PWWP2A: variants seen among roughly 807,000 people sequenced by gnomAD.
PWWP2A encodes the protein PWWP domain containing 2A.
Under a neutral mutation model 48.5 loss-of-function variants are expected in PWWP2A, and 18 were observed. That is an observed-to-expected ratio of 0.37 (90% CI 0.26 to 0.55). The LOEUF (loss-of-function observed/expected upper bound fraction) is 0.55. Among genes scored for constraint, PWWP2A ranks in the 20% least tolerant of loss-of-function variants. The pLI is 0.81. For missense variants in PWWP2A, 867 were observed against 976.4 expected (o/e 0.89, Z 1.49); for synonymous variants, 396 against 387.7 (o/e 1.02, Z -0.25).
At chr5:160,068,928 A>G (rs1753679344) in intron 2 of PWWP2A, among the ~76,000 whole-genome samples, 1 of 152,212 alleles carries the variant, frequency 6.6e-6, no homozygotes, top group Non-Finnish European at 1.5e-5. Flanking sequence ...AATAGAAACT[A>G]GTCATCTCCA....
At chr5:160,097,291 C>T (rs922234213) in intron 1 of PWWP2A, among the ~76,000 whole-genome samples, 1 of 127,486 alleles carries the variant, frequency 7.8e-6, no homozygotes, top group African/African-American at 3.0e-5. Flanking sequence ...GAGCCATGTT[C>T]GCGCTATCGC....
At chr5:160,065,300 C>A in intron 4 of PWWP2A, 1 of 670,354 alleles carries the variant, frequency 1.5e-6, no homozygotes, top group Non-Finnish European at 2.7e-6. Context: ...AGCTGGTGTC[C>A]CCGATTCTGG....
intron 1 of PWWP2A, chr5:160,116,958 GGCACAT>G: frequency 6.4e-6 from 1 of 156,804 alleles, no homozygotes; most frequent in Admixed American, 6.6e-5. Context: ...CAGGCGTGGT[GGCACAT>G]GCCTGTAATC....
Position 160,078,696 on chromosome 5 carries a change from A to C in PWWP2A, c.1670-528T>G, listed in dbSNP as rs1275710840. 6.6e-6 allele frequency among the ~76,000 whole-genome samples: 1 copy of C among 152,216 alleles called. No homozygotes were observed. The highest frequency in any genetic ancestry group is 6.5e-5 in the Admixed American group (1 of 15,280). ...CCACATACTTGCAAAGAGCAAAATA[A>C]GAAGGGAATGGAGGGTGCCTCCCCA... is the stretch of plus-strand genomic sequence containing the variant. On this transcript the variant is annotated intron_variant, in intron 3 of 3. Transcript: ENST00000456329. The surrounding 1 kb of genome is among the most constrained non-coding windows in gnomAD (Gnocchi z 4.2).
At chr5:160,053,297 A>T in the PWWP2A span, among the ~76,000 whole-genome samples, 6 of 152,282 alleles carry the variant, frequency 3.9e-5, no homozygotes, top group Non-Finnish European at 8.8e-5. Flanking sequence ...AAATTTTTTA[A>T]ATTGGGTAGT....
intron 2 of PWWP2A, among the ~76,000 whole-genome samples, chr5:160,067,683 G>A (rs1439943934): frequency 2.6e-5 from 4 of 152,190 alleles, no homozygotes; most frequent in Non-Finnish European, 5.9e-5. Flanking sequence ...GAAAGGAAAG[G>A]ATCCCAGTAG....
intron 2 of PWWP2A, among the ~76,000 whole-genome samples, chr5:160,070,215 C>T (rs1753710086): frequency 6.6e-6 from 1 of 152,130 alleles, no homozygotes; most frequent in South Asian, 2.1e-4. Context: ...ACCTGTAATC[C>T]CAACACTTTG....
At chr5:160,094,200 C>A in intron 1 of PWWP2A, 135 bp from the exon 2 acceptor site, 1 of 1,108,216 alleles carries the variant, frequency 9.0e-7, no homozygotes, top group Non-Finnish European at 1.2e-6. Context: ...AACAAGACTA[C>A]AAAAATCTAC....
chr5:160,109,956 A>G (rs1757388984), intron 1 of PWWP2A, among the ~76,000 whole-genome samples: 1 of 150,736 alleles, frequency 6.6e-6, no homozygotes, highest in South Asian at 2.1e-4. Flanking sequence ...ATTGCAATGT[A>G]TGAGCTTTAT....
chr5:160,048,520 C>T, the PWWP2A span, among the ~76,000 whole-genome samples: 10 of 151,936 alleles, frequency 6.6e-5, no homozygotes, highest in Admixed American at 6.6e-4. Context: ...GTATGTTGAA[C>T]CAAAACATAG....
At chr5:160,050,463 C>T in the PWWP2A span, among the ~76,000 whole-genome samples, 1 of 151,926 alleles carries the variant, frequency 6.6e-6, no homozygotes, top group South Asian at 2.1e-4. Context: ...ACAAAAAATA[C>T]AAATGAATTT....
chr5:160,071,314 G>C (rs1206360241), downstream of PWWP2A, among the ~76,000 whole-genome samples: 1 of 152,188 alleles, frequency 6.6e-6, no homozygotes, highest in Non-Finnish European at 1.5e-5. Flanking sequence ...AGTTGGTGCA[G>C]GAAGACCCGG....
At chr5:160,109,792 T>TATATATATATATATAAAATAATATAATA (rs1757340454) in intron 1 of PWWP2A, among the ~76,000 whole-genome samples, 1 of 124,730 alleles carries the variant, frequency 8.0e-6, no homozygotes. Context: ...TATATATATA[T>TATATATATATATATAAAATAATATAATA]ATATATATAT....
the PWWP2A span, among the ~76,000 whole-genome samples, chr5:160,045,515 TA>T: frequency 0.082 from 3,095 of 37,530 alleles, 313 homozygotes; most frequent in Admixed American, 0.2. Context: ...CACACACACA[TA>T]CACACTCTCT....
At chr5:160,057,375 A>G (rs765266054), downstream of PWWP2A, among the ~76,000 whole-genome samples, 1 of 152,032 alleles carries the variant, frequency 6.6e-6, no homozygotes, top group African/African-American at 2.4e-5. The surrounding 1 kb of genome is among the most constrained non-coding windows in gnomAD (Gnocchi z 4.4). Context: ...ATAATACTGT[A>G]GTCTACTAAG....
intron 1 of PWWP2A, among the ~76,000 whole-genome samples, chr5:160,099,919 G>C (rs538405705): frequency 1.3e-5 from 2 of 151,966 alleles, no homozygotes; most frequent in Admixed American, 1.3e-4. Flanking sequence ...GCCCTCCTTG[G>C]CCTCCCAAAG....
downstream of PWWP2A, among the ~76,000 whole-genome samples, chr5:160,088,153 C>A (rs368172091): frequency 5.3e-5 from 8 of 152,206 alleles, no homozygotes; most frequent in Non-Finnish European, 1.0e-4. Context: ...CTAATGCACA[C>A]TCGCCATTTT....
intron 1 of PWWP2A, among the ~76,000 whole-genome samples, chr5:160,094,403 TACA>T (rs1468715680): frequency 2.0e-5 from 3 of 152,202 alleles, no homozygotes; most frequent in South Asian, 4.1e-4. Context: ...CTGAACCATA[TACA>T]ACATTTTCAG....
intron 4 of PWWP2A, among the ~76,000 whole-genome samples, chr5:160,065,701 T>C (rs1224406021): frequency 6.6e-6 from 1 of 152,192 alleles, no homozygotes; most frequent in Non-Finnish European, 1.5e-5. Context: ...TCTTGAAGAG[T>C]TGACCATTCT....
Sources: allele counts gnomAD v4.1 joint callset (sites outside exome capture counted in the v4.1 genomes callset), GRCh38; gene constraint gnomAD v4.1.1; non-coding constraint Gnocchi (gnomAD v3.1); transcripts MANE v1.5; gene names NCBI Gene and HGNC (gene_info 2026-07-23, HGNC 2026-07-21).